C8orf88: variants seen among roughly 807,000 people sequenced by gnomAD.
C8orf88 encodes the protein chromosome 8 open reading frame 88.
In C8orf88, 14 loss-of-function variants were observed where a neutral mutation model predicts 18.4. The ratio of observed to expected loss-of-function variants is 0.76; its 90% CI spans 0.50 to 1.19. The LOEUF is 1.19. C8orf88 is among the 50% of genes most tolerant of loss of function. The pLI is 0.00. For synonymous variants in C8orf88, 45 were observed against 42.9 expected (o/e 1.05, Z -0.19); for missense variants, 116 against 134.7 (o/e 0.86, Z 0.69).
In C8orf88 at chr8:90,978,601, C is replaced by G. The variant is rs567558462; in HGVS notation, c.125G>C (p.Cys42Ser). Reference sequence around the variant, plus strand: ...TACTCTGCTAACTCCACTTTGTATGCACTGAGTGTTGCATGGATATTCGTT... The same window carrying G: ...TACTCTGCTAACTCCACTTTGTATGGACTGAGTGTTGCATGGATATTCGTT... ...FQNEYPCNTQ[C>S]IQSGVSRCKT... The change falls in exon 3 of 6, where the codon TGC becomes TCC. Residue 42 changes from cysteine (C) to serine (S), a missense_variant. Physicochemically the swap from Cys to Ser is moderately radical, Grantham distance 112. Transcript: ENST00000517562. 10 of 1,529,074 alleles carry G rather than the reference C, an allele frequency of 6.5e-6. No homozygotes were observed. In the Admixed American group the frequency reaches 1.8e-4, roughly 27 times the overall value. 94.7% of individuals were successfully genotyped at this position (1,529,074 alleles called of 1,614,324 possible).
intron 1 of C8orf88, among the ~76,000 whole-genome samples, chr8:90,983,564 A>C (rs1488101199): frequency 6.6e-6 from 1 of 152,192 alleles, no homozygotes; most frequent in African/African-American, 2.4e-5. Context: ...TGGGATAATA[A>C]GCAGATACAT....
At chr8:90,966,029 G>A (rs1328037204) in intron 4 of C8orf88, among the ~76,000 whole-genome samples, 2 of 151,642 alleles carry the variant, frequency 1.3e-5, no homozygotes, top group Non-Finnish European at 2.9e-5. Flanking sequence ...AAAGATCAGA[G>A]TGAAGAGAAA....
chr8:90,978,343 G>T (rs1344962841), intron 3 of C8orf88, among the ~76,000 whole-genome samples: 1 of 152,148 alleles, frequency 6.6e-6, no homozygotes, highest in Non-Finnish European at 1.5e-5. Flanking sequence ...CATATATATA[G>T]AGTTTGTAAC....
intron 3 of C8orf88, among the ~76,000 whole-genome samples, chr8:90,975,713 T>A (rs1436002144): frequency 1.3e-5 from 2 of 152,064 alleles, no homozygotes; most frequent in Admixed American, 1.3e-4. Flanking sequence ...AATGGCCACT[T>A]TGGAAAACAT....
At chr8:90,975,109 G>C (rs1333216795) in intron 3 of C8orf88, among the ~76,000 whole-genome samples, 1 of 152,158 alleles carries the variant, frequency 6.6e-6, no homozygotes, top group Non-Finnish European at 1.5e-5. Context: ...TAGATCATAA[G>C]ATGTCAATTC....
intron 3 of C8orf88, among the ~76,000 whole-genome samples, chr8:90,971,736 TAAGATTGGCTAAGCTAATC>T (rs35126177): frequency 0.13 from 19,926 of 151,996 alleles, 1,696 homozygotes; most frequent in Middle Eastern, 0.2. Flanking sequence ...ATCTTTATGA[TAAGATTGGCTAAGCTAATC>T]TGATGATATT....
chr8:90,975,152 GC>G (rs1429185547), intron 3 of C8orf88, among the ~76,000 whole-genome samples: 1 of 152,028 alleles, frequency 6.6e-6, no homozygotes, highest in Non-Finnish European at 1.5e-5. Context: ...CAATCAAAAT[GC>G]CAATAGACTT....
rs1811268926 is a variant in C8orf88 at position 90,970,606 on chromosome 8, T to C, written c.223+460A>G. Among the ~76,000 whole-genome samples the C allele has an allele frequency of 4.6e-5, 7 of 152,140 alleles. 1 individual carries two copies. The South Asian group carries it at 1.4e-3, about 31-fold the overall frequency. On this transcript the variant is annotated intron_variant, in intron 4 of 5. Transcript: ENST00000517562. ...ATGACCAAGTTCTGGCAATGTGATG[T>C]AAGTGGAAGTACTATGTGCAACTTC...
intron 4 of C8orf88, among the ~76,000 whole-genome samples, chr8:90,968,266 A>T (rs894765279): frequency 6.6e-6 from 1 of 151,742 alleles, no homozygotes; most frequent in Admixed American, 6.6e-5. Flanking sequence ...GAATAAACAC[A>T]TTAAACACAT....
intron 3 of C8orf88, among the ~76,000 whole-genome samples, chr8:90,972,431 A>G (rs1811296459): frequency 6.6e-6 from 1 of 151,880 alleles, no homozygotes; most frequent in Non-Finnish European, 1.5e-5. Context: ...AAAAAAAACA[A>G]TTTCTTGCCT....
intron 4 of C8orf88, among the ~76,000 whole-genome samples, chr8:90,963,681 A>T (rs1484961618): frequency 1.3e-5 from 2 of 151,740 alleles, no homozygotes; most frequent in East Asian, 3.9e-4. Flanking sequence ...TGACAAATTC[A>T]TGAGAGGGTT....
chr8:90,970,978 G>A, intron 4 of C8orf88, 88 bp downstream of exon 4: 1 of 672,322 alleles, frequency 1.5e-6, no homozygotes, highest in Non-Finnish European at 2.3e-6. Flanking sequence ...TTTCATATAA[G>A]TTTGCATCTA....
At chr8:90,984,549 G>A (rs968547264) in intron 1 of C8orf88, among the ~76,000 whole-genome samples, 9 of 152,018 alleles carry the variant, frequency 5.9e-5, no homozygotes, top group African/African-American at 2.2e-4. Context: ...TCCATTTCAT[G>A]CCTTCTCTTT....
chr8:90,966,366 G>C (rs1356410690), intron 4 of C8orf88, among the ~76,000 whole-genome samples: 1 of 109,968 alleles, frequency 9.1e-6, no homozygotes, highest in African/African-American at 3.4e-5. Context: ...GGTGGGGGGA[G>C]GGGGGAGGGA....
At position 90,958,990 on chromosome 8, in the gene C8orf88, C is replaced by G; in HGVS notation, c.*17G>C. The G allele has an allele frequency of 7.1e-7, 1 of 1,405,238 alleles. No individual in the cohort carries two copies. The highest frequency in any genetic ancestry group is 9.6e-7 in the Non-Finnish European group (1 of 1,046,380). The allele number at this position is 1,405,238 out of a possible 1,614,324, so 87.0% of individuals were successfully genotyped here. On this transcript the variant is annotated 3_prime_UTR_variant, in exon 6 of 6. Transcript: ENST00000517562. ...ATTTGCAGATGTCCAAACTTAAATT[C>G]ATCTGTTCTTAAAATGCTACTTAAA...
chr8:90,983,303 T>C (rs2130329592), intron 1 of C8orf88, among the ~76,000 whole-genome samples: 1 of 152,274 alleles, frequency 6.6e-6, no homozygotes, highest in Non-Finnish European at 1.5e-5. Context: ...TTTCTATTAA[T>C]ACATACTGAG....
At chr8:90,978,001 G>T (rs1462201032) in intron 3 of C8orf88, among the ~76,000 whole-genome samples, 2 of 151,988 alleles carry the variant, frequency 1.3e-5, no homozygotes, top group Non-Finnish European at 2.9e-5. Context: ...TAGTATCTAG[G>T]TAAGAAACTG....
intron 1 of C8orf88, among the ~76,000 whole-genome samples, chr8:90,981,243 C>T (rs189405004): frequency 6.6e-6 from 1 of 152,316 alleles, no homozygotes; most frequent in Admixed American, 6.5e-5. Flanking sequence ...TTGGACCACA[C>T]TTGGTAAAAC....
chr8:90,971,064 A>G lies in C8orf88; in HGVS notation c.223+2T>C. 6.7e-7 allele frequency: 1 copy of G among 1,496,034 alleles called. No homozygotes were observed. Among genetic ancestry groups the G allele is most frequent in the Non-Finnish European group, 8.9e-7 (1 of 1,124,916 alleles). 92.7% of individuals were successfully genotyped at this position (1,496,034 alleles called of 1,614,324 possible). ...AAATTGGGAATTATGATAAAATTTT[A>G]CCTTTCTTAACTGGAGACTGCTGTT... On this transcript the variant is annotated splice_donor_variant, in intron 4 of 5. Transcript: ENST00000517562. LOFTEE classifies it high-confidence loss of function.
Sources: gnomAD v4.1 joint callset for allele counts (sites outside exome capture counted in the v4.1 genomes callset) on GRCh38, gnomAD v4.1.1 for gene constraint, MANE v1.5 for transcripts, NCBI Gene and HGNC (gene_info 2026-07-23, HGNC 2026-07-21) for gene names.